The following ATP1B3 variants were observed in gnomAD, a reference collection of about 807,000 sequenced individuals.
ATP1B3 encodes the protein ATPase Na+/K+ transporting subunit beta 3.
Under a neutral mutation model 30.2 loss-of-function variants are expected in ATP1B3, and 10 were observed. The observed-to-expected ratio is 0.33, with a 90% CI of 0.20 to 0.56. The LOEUF (loss-of-function observed/expected upper bound fraction) is 0.56, where lower values mean the gene tolerates loss of function less well. Ranked by LOEUF, ATP1B3 falls within the 20% of genes least tolerant of loss-of-function variation. The pLI, the probability that ATP1B3 is intolerant of heterozygous loss-of-function variation, is 0.90. For synonymous variants in ATP1B3, 113 were observed against 117.0 expected, an observed-to-expected ratio of 0.97 and a Z score of 0.22; for missense variants, 238 against 336.7, an observed-to-expected ratio of 0.71 and a Z score of 2.29.
At chr3:141,908,794 T>C (rs960536631) in intron 3 of ATP1B3, among the ~76,000 whole-genome samples, 8 of 152,216 alleles carry the variant, frequency 5.3e-5, no homozygotes, top group Admixed American at 5.2e-4. Flanking sequence ...TCTCTTCATA[T>C]AACCTGATTT....
chr3:141,915,366 C>T (rs751876385), intron 4 of ATP1B3, among the ~76,000 whole-genome samples: 19 of 152,132 alleles, frequency 1.2e-4, no homozygotes, highest in Non-Finnish European at 2.6e-4. Context: ...CGTGCATTCA[C>T]GTGGAAACTG....
chr3:141,911,269 GTTTAC>G (rs1269904734), intron 3 of ATP1B3, among the ~76,000 whole-genome samples: 2 of 151,772 alleles, frequency 1.3e-5, no homozygotes, highest in Non-Finnish European at 2.9e-5. Flanking sequence ...CTTTCTGGGG[GTTTAC>G]TTTAATTTTC....
At chr3:141,880,476 A>C (rs1933701018) in intron 1 of ATP1B3, among the ~76,000 whole-genome samples, 1 of 152,204 alleles carries the variant, frequency 6.6e-6, no homozygotes, top group Non-Finnish European at 1.5e-5. Context: ...TTGAGCACCT[A>C]GTGGCTGATG....
intron 1 of ATP1B3, among the ~76,000 whole-genome samples, chr3:141,894,270 T>C (rs935919380): frequency 2.6e-5 from 4 of 152,122 alleles, no homozygotes; most frequent in Admixed American, 6.6e-5. Flanking sequence ...CTACACTAAA[T>C]TTATTAAAAT....
intron 1 of ATP1B3, among the ~76,000 whole-genome samples, chr3:141,881,777 G>A (rs1487379145): frequency 6.6e-6 from 1 of 152,216 alleles, no homozygotes; most frequent in Non-Finnish European, 1.5e-5. Context: ...ACAAAAATGT[G>A]CATCACTGGG....
At chr3:141,885,925 C>CA (rs1432397994) in intron 1 of ATP1B3, among the ~76,000 whole-genome samples, 25 of 133,098 alleles carry the variant, frequency 1.9e-4, no homozygotes, top group Non-Finnish European at 6.7e-5. Flanking sequence ...ACACACACAC[C>CA]CCTGTAGTGT....
At chr3:141,892,828 T>TG (rs1448690753) in intron 1 of ATP1B3, among the ~76,000 whole-genome samples, 2 of 152,156 alleles carry the variant, frequency 1.3e-5, no homozygotes, top group Non-Finnish European at 2.9e-5. Context: ...ATATCTTTAA[T>TG]GGAGCGGTAG....
intron 1 of ATP1B3, among the ~76,000 whole-genome samples, chr3:141,894,058 A>G (rs987272527): frequency 3.3e-5 from 5 of 152,218 alleles, no homozygotes; most frequent in Non-Finnish European, 7.3e-5. Context: ...AATGGTAAGT[A>G]TTTGTCTGTA....
At chr3:141,919,318 A>T (rs931753117) in intron 5 of ATP1B3, among the ~76,000 whole-genome samples, 2 of 150,888 alleles carry the variant, frequency 1.3e-5, no homozygotes, top group East Asian at 3.9e-4. Context: ...GGGTGTCACC[A>T]TGTTGCCAGG....
At chr3:141,923,152 C>T (rs1934596099) in intron 6 of ATP1B3, among the ~76,000 whole-genome samples, 1 of 151,790 alleles carries the variant, frequency 6.6e-6, no homozygotes, top group African/African-American at 2.4e-5. Context: ...GTGGTGGGTG[C>T]ATGTAATCCC....
At chr3:141,905,020 T>G (rs1261216053) in intron 2 of ATP1B3, among the ~76,000 whole-genome samples, 1 of 152,104 alleles carries the variant, frequency 6.6e-6, no homozygotes, top group Non-Finnish European at 1.5e-5. Context: ...CTAAACAGTC[T>G]TTGAATGCCA....
chr3:141,925,881 C>T lies in ATP1B3; in HGVS notation c.*180C>T. 1.4e-6 allele frequency: 1 copy of T among 714,752 alleles called. No individual in the cohort carries two copies. Among genetic ancestry groups the T allele is most frequent in the South Asian group, 2.2e-5 (1 of 44,928 alleles). The allele number at this position is 714,752 out of a possible 1,614,324, so 44.3% of individuals were successfully genotyped here. On this transcript the variant is annotated 3_prime_UTR_variant, in exon 7 of 7. Coordinates refer to ENST00000286371, the MANE Select transcript of ATP1B3 (RefSeq NM_001679.4). Reference sequence around the variant, plus strand: ...GTTCAGTGTCCTCTGAAGTAACTGCCTGTTGCCTCTGCTGCCCTTTGAACC... The same window carrying T: ...GTTCAGTGTCCTCTGAAGTAACTGCTTGTTGCCTCTGCTGCCCTTTGAACC...
At chr3:141,882,646 C>T (rs963700625) in intron 1 of ATP1B3, among the ~76,000 whole-genome samples, 5 of 152,158 alleles carry the variant, frequency 3.3e-5, no homozygotes, top group African/African-American at 7.2e-5. Flanking sequence ...TGCAATGGTG[C>T]GATATCGGCT....
Position 141,925,735 on chromosome 3 carries a change from T to C in ATP1B3, c.*34T>C. 6.3e-7 allele frequency: 1 copy of C among 1,586,564 alleles called. No homozygotes were observed. Among genetic ancestry groups the C allele is most frequent in the Non-Finnish European group, 8.6e-7 (1 of 1,168,036 alleles). On this transcript the variant is annotated 3_prime_UTR_variant, in exon 7 of 7. Transcript: ENST00000286371. ...GGATATCTCCACAGAGTAAATGTTG[T>C]GTTGTCTGTCTTCATTTTGTAACAG...
chr3:141,895,091 C>T (rs112025969), intron 1 of ATP1B3, among the ~76,000 whole-genome samples: 4 of 150,992 alleles, frequency 2.6e-5, no homozygotes, highest in African/African-American at 9.8e-5. Flanking sequence ...TGGTGTATGT[C>T]TGTATGTGGA....
In ATP1B3 at chr3:141,913,852, A is replaced by G. The variant is rs372348163; in HGVS notation, c.531+16A>G. ...AATGAACAGAGTACGTACATATTTT[A>G]CCTCTGCTGCTGCTTTTTTCTAATA... On this transcript the variant is annotated intron_variant, in intron 4 of 6. Coordinates refer to ENST00000286371, the MANE Select transcript of ATP1B3 (RefSeq NM_001679.4). 1.3e-6 allele frequency: 2 copies of G among 1,578,266 alleles called. No individual in the cohort carries two copies. The highest frequency in any genetic ancestry group is 1.7e-6 in the Non-Finnish European group (2 of 1,164,924).
chr3:141,894,279 A>AT (rs1019692604), intron 1 of ATP1B3, among the ~76,000 whole-genome samples: 12 of 151,744 alleles, frequency 7.9e-5, no homozygotes, highest in Non-Finnish European at 1.5e-4. Flanking sequence ...ATTTATTAAA[A>AT]TTTTTTTTAC....
chr3:141,911,630 G>A (rs1223871610), intron 3 of ATP1B3, among the ~76,000 whole-genome samples: 1 of 151,884 alleles, frequency 6.6e-6, no homozygotes, highest in African/African-American at 2.4e-5. Context: ...AAGCAGCTAG[G>A]ATTACAGGCT....
chr3:141,911,355 A>G (rs1934356639), intron 3 of ATP1B3, among the ~76,000 whole-genome samples: 1 of 152,094 alleles, frequency 6.6e-6, no homozygotes, highest in South Asian at 2.1e-4. Context: ...TGTTTGAAAG[A>G]TACTATAATA....
Sources: allele counts gnomAD v4.1 joint callset (sites outside exome capture counted in the v4.1 genomes callset), GRCh38; gene constraint gnomAD v4.1.1; transcripts MANE v1.5; gene names NCBI Gene and HGNC (gene_info 2026-07-23, HGNC 2026-07-21).